Variants in ALCAM observed in about 807,000 individuals in gnomAD.
ALCAM encodes CD166 antigen.
In ALCAM, 30 loss-of-function variants were observed where a neutral mutation model predicts 70.9. The observed-to-expected ratio is 0.42, with a 90% CI of 0.32 to 0.57. ALCAM has a LOEUF of 0.57. Ranked by LOEUF, ALCAM falls within the 20% of genes least tolerant of loss-of-function variation. ALCAM has a pLI of 0.11. For missense variants in ALCAM, 591 were observed against 695.1 expected, an observed-to-expected ratio of 0.85 and a Z score of 1.68; for synonymous variants, 249 against 242.5, an observed-to-expected ratio of 1.03 and a Z score of -0.25.
intron 1 of ALCAM, among the ~76,000 whole-genome samples, chr3:105,467,137 G>A (rs1937762416): frequency 6.6e-6 from 1 of 151,106 alleles, no homozygotes; most frequent in Admixed American, 6.6e-5. Flanking sequence ...TCAGGACTCT[G>A]GTGAGAATTA....
intron 14 of ALCAM, among the ~76,000 whole-genome samples, chr3:105,566,620 T>C (rs1406926536): frequency 6.6e-6 from 1 of 152,150 alleles, no homozygotes; most frequent in Non-Finnish European, 1.5e-5. Flanking sequence ...TTTACTGTGG[T>C]TGCTATAAGG....
chr3:105,532,728 C>A (rs1450188971), intron 4 of ALCAM, among the ~76,000 whole-genome samples: 1 of 152,066 alleles, frequency 6.6e-6, no homozygotes, highest in East Asian at 1.9e-4. Context: ...GTTTGGGAAA[C>A]AGCAAATTTT....
intron 1 of ALCAM, among the ~76,000 whole-genome samples, chr3:105,488,649 G>A (rs1405415682): frequency 1.3e-5 from 2 of 149,274 alleles, no homozygotes; most frequent in Non-Finnish European, 3.0e-5. Context: ...AGGAAGAAAG[G>A]ATGGAAGGAA....
intron 12 of ALCAM, among the ~76,000 whole-genome samples, chr3:105,550,820 A>G (rs1485350224): frequency 6.6e-6 from 1 of 151,666 alleles, no homozygotes; most frequent in South Asian, 2.1e-4. Flanking sequence ...GCCGAAAATC[A>G]GATAAGTGAA....
intron 1 of ALCAM, among the ~76,000 whole-genome samples, chr3:105,510,914 A>G (rs1006750933): frequency 2.0e-5 from 3 of 152,066 alleles, no homozygotes; most frequent in Admixed American, 1.3e-4. Context: ...TGAAGTTTTC[A>G]AAGAGTTAAA....
intron 1 of ALCAM, among the ~76,000 whole-genome samples, chr3:105,383,808 G>T (rs1279899093): frequency 6.6e-6 from 1 of 151,630 alleles, no homozygotes; most frequent in African/African-American, 2.4e-5. Context: ...AAAAACTGTA[G>T]GTTTGTGAAG....
chr3:105,562,353 A>G (rs950761003), intron 14 of ALCAM, among the ~76,000 whole-genome samples: 2 of 152,182 alleles, frequency 1.3e-5, no homozygotes, highest in Admixed American at 1.3e-4. Flanking sequence ...AGTTTTTATC[A>G]CAAATTGTTG....
chr3:105,464,279 ATATTTT>A (rs983666749), intron 1 of ALCAM, among the ~76,000 whole-genome samples: 16 of 151,488 alleles, frequency 1.1e-4, no homozygotes, highest in South Asian at 2.1e-4. Flanking sequence ...TAATAGGTTA[ATATTTT>A]TATATTGTGC....
chr3:105,484,110 C>A (rs1284224699), intron 1 of ALCAM, among the ~76,000 whole-genome samples: 4 of 151,738 alleles, frequency 2.6e-5, no homozygotes, highest in South Asian at 2.1e-4. Context: ...TGGTCAGAAG[C>A]AATTTCCTAA....
At chr3:105,434,030 G>C (rs1027965297) in intron 1 of ALCAM, among the ~76,000 whole-genome samples, 4 of 152,154 alleles carry the variant, frequency 2.6e-5, no homozygotes, top group Admixed American at 6.5e-5. Flanking sequence ...GGGGATATAG[G>C]AAAGGGCTTA....
At chr3:105,521,065 G>T (rs967673679) in intron 2 of ALCAM, among the ~76,000 whole-genome samples, 9 of 152,090 alleles carry the variant, frequency 5.9e-5, no homozygotes, top group African/African-American at 1.7e-4. Context: ...ACTTTGGGAG[G>T]CCGAGGCGGG....
intron 1 of ALCAM, among the ~76,000 whole-genome samples, chr3:105,507,281 G>T (rs1346518290): frequency 6.6e-6 from 1 of 150,914 alleles, no homozygotes; most frequent in Non-Finnish European, 1.5e-5. Flanking sequence ...CATTATTATT[G>T]ACTATAGTCC....
intron 1 of ALCAM, among the ~76,000 whole-genome samples, chr3:105,476,789 T>C (rs886399510): frequency 6.6e-6 from 1 of 152,056 alleles, no homozygotes; most frequent in African/African-American, 2.4e-5. Context: ...CCATTTTAAG[T>C]ACCATGTCTA....
At chr3:105,537,158 C>G (rs1293448886) in intron 6 of ALCAM, among the ~76,000 whole-genome samples, 1 of 151,628 alleles carries the variant, frequency 6.6e-6, no homozygotes, top group African/African-American at 2.4e-5. Flanking sequence ...CTTTCTTACC[C>G]TATTCAATCA....
At chr3:105,489,296 C>T (rs1017379272) in intron 1 of ALCAM, among the ~76,000 whole-genome samples, 2 of 152,160 alleles carry the variant, frequency 1.3e-5, no homozygotes, top group Non-Finnish European at 2.9e-5. Flanking sequence ...TTATTTCTAA[C>T]AAGCTCCAAT....
chr3:105,426,006 T>A (rs1436900334), intron 1 of ALCAM, among the ~76,000 whole-genome samples: 1 of 151,874 alleles, frequency 6.6e-6, no homozygotes, highest in African/African-American at 2.4e-5. Flanking sequence ...TAGAAGGAAA[T>A]GCTAGCTTTA....
intron 1 of ALCAM, among the ~76,000 whole-genome samples, chr3:105,507,700 A>G (rs1291386893): frequency 1.3e-5 from 2 of 152,190 alleles, no homozygotes; most frequent in Non-Finnish European, 2.9e-5. Context: ...TTTAGAAGTT[A>G]TAAGTAAAGC....
intron 1 of ALCAM, among the ~76,000 whole-genome samples, chr3:105,411,198 A>G (rs1001021133): frequency 6.6e-6 from 1 of 152,106 alleles, no homozygotes; most frequent in Non-Finnish European, 1.5e-5. Flanking sequence ...CAGTATCTTT[A>G]TAAAGTGGAT....
At chr3:105,447,852 T>G (rs751504536) in intron 1 of ALCAM, among the ~76,000 whole-genome samples, 2 of 152,184 alleles carry the variant, frequency 1.3e-5, no homozygotes, top group Admixed American at 1.3e-4. Flanking sequence ...GACATTATTA[T>G]CAATAAACAC....
Sources: allele counts gnomAD v4.1 joint callset (sites outside exome capture counted in the v4.1 genomes callset), GRCh38; gene constraint gnomAD v4.1.1; transcripts MANE v1.5; gene names NCBI Gene and HGNC (gene_info 2026-07-23, HGNC 2026-07-21).